The following PDE1A variants were observed in gnomAD, a reference collection of about 807,000 sequenced individuals.
The protein encoded by PDE1A is phosphodiesterase 1A.
Under a neutral mutation model 61.7 loss-of-function variants are expected in PDE1A, and 35 were observed. The observed-to-expected ratio is 0.57, with a 90% CI of 0.43 to 0.75. The LOEUF (loss-of-function observed/expected upper bound fraction) is 0.75, where lower values mean the gene tolerates loss of function less well. Ranked by LOEUF, PDE1A falls within the 30% of genes least tolerant of loss-of-function variation. The pLI, the probability that PDE1A is intolerant of heterozygous loss-of-function variation, is 0.00. For synonymous variants in PDE1A, 232 were observed against 213.2 expected, an observed-to-expected ratio of 1.09 and a Z score of -0.77; for missense variants, 597 against 630.6, an observed-to-expected ratio of 0.95 and a Z score of 0.57.
At chr2:182,365,673 G>T (rs1574462938) in intron 1 of PDE1A, among the ~76,000 whole-genome samples, 1 of 151,844 alleles carries the variant, frequency 6.6e-6, no homozygotes, top group African/African-American at 2.4e-5. Context: ...GGCCTGCAAT[G>T]ATAGAATTAA....
At chr2:182,656,121 C>T in the PDE1A span, among the ~76,000 whole-genome samples, 4 of 152,168 alleles carry the variant, frequency 2.6e-5, no homozygotes, top group East Asian at 7.7e-4. Flanking sequence ...CAGTATTTTA[C>T]CTTCTACCTG....
chr2:182,323,343 A>C (rs1156229621), intron 1 of PDE1A, among the ~76,000 whole-genome samples: 1 of 152,196 alleles, frequency 6.6e-6, no homozygotes, highest in Non-Finnish European at 1.5e-5. Context: ...CTCTCCAAAT[A>C]AGAGATTAGC....
chr2:182,267,471 T>C (rs979468406), intron 1 of PDE1A, among the ~76,000 whole-genome samples: 5 of 150,126 alleles, frequency 3.3e-5, no homozygotes, highest in African/African-American at 9.7e-5. Flanking sequence ...CTATATTCAC[T>C]ATGCCAACCC....
the PDE1A span, among the ~76,000 whole-genome samples, chr2:182,651,952 A>G: frequency 1.3e-5 from 2 of 152,236 alleles, no homozygotes; most frequent in East Asian, 3.8e-4. Flanking sequence ...CTATTTATCA[A>G]GGAAGTCAGG....
At chr2:182,646,818 T>TA in the PDE1A span, among the ~76,000 whole-genome samples, 1 of 152,188 alleles carries the variant, frequency 6.6e-6, no homozygotes, top group Non-Finnish European at 1.5e-5. Flanking sequence ...AAAGATCAGC[T>TA]AAAAAATCAT....
In PDE1A at chr2:182,522,633, C is replaced by G. The variant is rs28364747; in HGVS notation, c.-11+32G>C. 2,329 of 1,243,420 alleles carry G rather than the reference C, an allele frequency of 1.9e-3. 59 individuals carry two copies. The East Asian group carries it at 0.056, about 30-fold the overall frequency. 77.0% of individuals were successfully genotyped at this position (1,243,420 alleles called of 1,614,324 possible). On this transcript the variant is annotated intron_variant, in intron 1 of 14. Coordinates refer to the PDE1A transcript ENST00000410103. Reference sequence around the variant, plus strand: ...ATGCTCTGACCTCACAAGAACAATCCGTACATGTGAGCCTGCTACTGTACT... The same window carrying G: ...ATGCTCTGACCTCACAAGAACAATCGGTACATGTGAGCCTGCTACTGTACT...
intron 6 of PDE1A, among the ~76,000 whole-genome samples, chr2:182,229,487 A>G (rs35169307): frequency 0.1 from 15,234 of 152,142 alleles, 1,014 homozygotes; most frequent in Middle Eastern, 0.16. Context: ...GCATCACTGA[A>G]TCGTTTAGTC....
chr2:182,271,408 A>G (rs187136095), intron 1 of PDE1A, among the ~76,000 whole-genome samples: 4 of 152,236 alleles, frequency 2.6e-5, no homozygotes, highest in East Asian at 1.9e-4. Flanking sequence ...TGTGACTGAA[A>G]AAAACTCTTT....
At chr2:182,189,922 G>C (rs1373657123) in intron 10 of PDE1A, among the ~76,000 whole-genome samples, 1 of 152,038 alleles carries the variant, frequency 6.6e-6, no homozygotes, top group Admixed American at 6.6e-5. Flanking sequence ...AACATTTTAG[G>C]TTCTATTTTC....
chr2:182,232,161 G>C (rs972093113), intron 4 of PDE1A, among the ~76,000 whole-genome samples: 1 of 152,094 alleles, frequency 6.6e-6, no homozygotes, highest in Non-Finnish European at 1.5e-5. Context: ...AAGCAAGCAG[G>C]CCAGTAGGGA....
intron 1 of PDE1A, among the ~76,000 whole-genome samples, chr2:182,273,571 A>C (rs188512502): frequency 2.4e-4 from 36 of 152,248 alleles, no homozygotes; most frequent in African/African-American, 7.2e-4. Context: ...CATAAAGAAG[A>C]AAATACACAT....
chr2:182,510,159 A>C (rs1248599273), intron 2 of PDE1A, among the ~76,000 whole-genome samples: 3 of 152,098 alleles, frequency 2.0e-5, no homozygotes. Context: ...TAAATATTTT[A>C]TAAAATATAA....
chr2:182,208,756 G>A (rs368538661), intron 7 of PDE1A, among the ~76,000 whole-genome samples: 1 of 152,176 alleles, frequency 6.6e-6, no homozygotes, highest in Non-Finnish European at 1.5e-5. Flanking sequence ...AAGATTATTT[G>A]GGGTCTTTAA....
intron 1 of PDE1A, among the ~76,000 whole-genome samples, chr2:182,346,313 C>T (rs560866140): frequency 6.6e-6 from 1 of 152,128 alleles, no homozygotes; most frequent in East Asian, 1.9e-4. Flanking sequence ...AAAAGGAAAA[C>T]TCAAAACTTC....
At chr2:182,263,481 C>T (rs1188766781) in intron 2 of PDE1A, among the ~76,000 whole-genome samples, 1 of 152,050 alleles carries the variant, frequency 6.6e-6, no homozygotes, top group Non-Finnish European at 1.5e-5. Context: ...TTTAAGAGAC[C>T]TCTATTCTAC....
intron 2 of PDE1A, among the ~76,000 whole-genome samples, chr2:182,510,898 G>C (rs1234311049): frequency 6.6e-6 from 1 of 152,106 alleles, no homozygotes; most frequent in Non-Finnish European, 1.5e-5. Context: ...TGGGGAGTGA[G>C]AATACTTCCA....
chr2:182,668,675 C>A, the PDE1A span, among the ~76,000 whole-genome samples: 3 of 152,142 alleles, frequency 2.0e-5, no homozygotes, highest in Non-Finnish European at 4.4e-5. Flanking sequence ...AAGCCTTTGT[C>A]TCGGCTGCCT....
In PDE1A at chr2:182,228,453, G is replaced by A. The variant is rs556002711; in HGVS notation, c.675+1553C>T. On this transcript the variant is annotated intron_variant, in intron 6 of 13. Coordinates refer to ENST00000351439, the Ensembl canonical transcript of PDE1A. Reference sequence around the variant, plus strand: ...GGGCATCAACTAAAACACTAAAGTAGATGGCCCAGTCTTCTTTATATCAAA... The same window carrying A: ...GGGCATCAACTAAAACACTAAAGTAAATGGCCCAGTCTTCTTTATATCAAA... 2.6e-3 allele frequency among the ~76,000 whole-genome samples: 393 copies of A among 152,244 alleles called. 1 individual carries two copies. The highest frequency in any genetic ancestry group is 9.2e-3 in the African/African-American group (381 of 41,568).
intron 1 of PDE1A, among the ~76,000 whole-genome samples, chr2:182,266,956 C>T (rs1466850219): frequency 1.3e-5 from 2 of 152,130 alleles, no homozygotes; most frequent in Non-Finnish European, 2.9e-5. Context: ...TGCATTTAAG[C>T]CACAATTATT....
Sources: allele counts gnomAD v4.1 joint callset (sites outside exome capture counted in the v4.1 genomes callset), GRCh38; gene constraint gnomAD v4.1.1; transcripts MANE v1.5; gene names NCBI Gene and HGNC (gene_info 2026-07-23, HGNC 2026-07-21).